MDGA1: variants seen among roughly 807,000 people sequenced by gnomAD.
MDGA1 encodes MAM domain containing glycosylphosphatidylinositol anchor 1, also known as MAM domain-containing glycosylphosphatidylinositol anchor protein 1.
A neutral mutation model predicts 101.5 loss-of-function variants in MDGA1; 54 were observed. The observed-to-expected ratio is 0.53, with a 90% CI of 0.43 to 0.67. The LOEUF is 0.67. MDGA1 is among the 30% of genes least tolerant of loss of function. MDGA1 has a pLI of 0.00. For missense variants in MDGA1, 1,083 were observed against 1,323.8 expected (o/e 0.82, Z 2.82); for synonymous variants, 533 against 558.3 (o/e 0.95, Z 0.64).
rs376944875 is a variant in MDGA1 at position 37,637,385 on chromosome 6, A to G, written c.2851T>C (p.Leu951=). ...AGCTCTCATCATCTCTGCAACGCCA[A>G]GAGGAAGATGGCCATGGGCCCCCAC... is the stretch of plus-strand genomic sequence containing the variant. ...QLWGPMAIFL[L]ALQR The change falls in exon 17 of 17, where the codon TTG becomes CTG. Residue 951 remains leucine (L), a synonymous_variant. Transcript: ENST00000434837. The G allele has an allele frequency of 4.8e-5, 78 of 1,613,630 alleles. No individual in the cohort carries two copies. The African/African-American group carries it at 8.7e-4, about 18-fold the overall frequency.
At chr6:37,673,292 C>T (rs910019623) in intron 1 of MDGA1, among the ~76,000 whole-genome samples, 4 of 152,218 alleles carry the variant, frequency 2.6e-5, no homozygotes, top group African/African-American at 9.6e-5. Context: ...CAGAAACCGT[C>T]CCTCCCTCGC....
chr6:37,663,108 A>G (rs1057062656), intron 2 of MDGA1, among the ~76,000 whole-genome samples: 1 of 152,202 alleles, frequency 6.6e-6, no homozygotes, highest in Non-Finnish European at 1.5e-5. Context: ...CTAGGATCCA[A>G]CTGTCACCCT....
intron 3 of MDGA1, among the ~76,000 whole-genome samples, chr6:37,657,275 G>A (rs1467769502): frequency 2.0e-5 from 3 of 152,222 alleles, no homozygotes; most frequent in African/African-American, 4.8e-5. Flanking sequence ...GGGTCCCCTA[G>A]AGAGCTTAAT....
chr6:37,667,005 G>A (rs1761769844), intron 1 of MDGA1, among the ~76,000 whole-genome samples: 1 of 152,212 alleles, frequency 6.6e-6, no homozygotes, highest in South Asian at 2.1e-4. Flanking sequence ...TAGATGTGAT[G>A]ATAACACAGG....
chr6:37,653,478 T>C (rs924132486), intron 6 of MDGA1, among the ~76,000 whole-genome samples: 2 of 152,166 alleles, frequency 1.3e-5, no homozygotes, highest in Admixed American at 1.3e-4. Context: ...TACTTTATGT[T>C]CAAGTGCTAA....
Position 37,652,351 on chromosome 6 carries a change from A to G in MDGA1, c.983-11T>C. 1 of 1,589,184 alleles carries G rather than the reference A, an allele frequency of 6.3e-7. No individual in the cohort carries two copies. Among genetic ancestry groups the G allele is most frequent in the Non-Finnish European group, 8.6e-7 (1 of 1,164,582 alleles). ...TAGCGTTCTTCATGGCTGTGAGTGG[A>G]TGGGGAGGGAAGGGTAGTTGGGGTT... On this transcript the variant is annotated splice_polypyrimidine_tract_variant and intron_variant, in intron 6 of 16. Coordinates refer to ENST00000434837, the MANE Select transcript of MDGA1 (RefSeq NM_153487.4). This position sits in a 1 kb window ranked among gnomAD's most constrained non-coding sequence, Gnocchi z 4.3.
chr6:37,648,784 T>C (rs932572080), intron 9 of MDGA1, among the ~76,000 whole-genome samples, 198 bp downstream of exon 9: 28 of 151,940 alleles, frequency 1.8e-4, no homozygotes, highest in Non-Finnish European at 1.0e-4. Flanking sequence ...GAGGCCCAGG[T>C]TGGGATCCGA....
chr6:37,638,918 C>A lies in MDGA1; in HGVS notation c.2537-251G>T. The stretch of plus-strand genomic sequence containing the variant: ...AATTTTCTTTCATTTCTTTCCTGCC[C>A]TGCTAATCAGCTAATCTCCCCAACC... On this transcript the variant is annotated intron_variant, in intron 14 of 16. Coordinates refer to ENST00000434837, the MANE Select transcript of MDGA1 (RefSeq NM_153487.4). The surrounding 1 kb of genome is among the most constrained non-coding windows in gnomAD (Gnocchi z 4.8). 1 of 448,706 alleles carries A rather than the reference C, an allele frequency of 2.2e-6. No individual in the cohort carries two copies. The highest frequency in any genetic ancestry group is 2.0e-5 in the African/African-American group (1 of 50,140). 27.8% of individuals were successfully genotyped at this position (448,706 alleles called of 1,614,324 possible).
intron 12 of MDGA1, 36 bp from the exon 13 acceptor site, chr6:37,644,685 C>G (rs779935101): frequency 8.4e-5 from 125 of 1,490,696 alleles, no homozygotes; most frequent in Non-Finnish European, 1.0e-4. Flanking sequence ...AAAGAGTCAG[C>G]CTCTTCAGTC....
chr6:37,695,995 C>T (rs1405332488), intron 1 of MDGA1, among the ~76,000 whole-genome samples: 1 of 151,964 alleles, frequency 6.6e-6, no homozygotes, highest in Non-Finnish European at 1.5e-5. Context: ...GCGAGGCGTG[C>T]GGACGCAGGA....
intron 1 of MDGA1, among the ~76,000 whole-genome samples, chr6:37,694,358 C>T (rs544319511): frequency 6.6e-6 from 1 of 152,340 alleles, no homozygotes; most frequent in South Asian, 2.1e-4. Flanking sequence ...AACCTGCCCC[C>T]AACTATAGCC....
At chr6:37,660,429 C>T (rs915281534) in intron 2 of MDGA1, among the ~76,000 whole-genome samples, 4 of 152,128 alleles carry the variant, frequency 2.6e-5, no homozygotes, top group Admixed American at 2.6e-4. Flanking sequence ...TTCTTTTTCA[C>T]ATCTCCTGTC....
At chr6:37,644,675 A>G (rs761961486) in intron 12 of MDGA1, 26 bp from the exon 13 acceptor site, 2 of 1,526,302 alleles carry the variant, frequency 1.3e-6, no homozygotes, top group Admixed American at 3.9e-5. Context: ...CGAATGAGAC[A>G]AAGAGTCAGC....
intron 16 of MDGA1, 87 bp from the exon 17 acceptor site, chr6:37,637,546 C>G: frequency 9.0e-7 from 1 of 1,105,874 alleles, no homozygotes; most frequent in Non-Finnish European, 1.4e-6. Flanking sequence ...GGCACTGTTA[C>G]TCTGCCCACC....
chr6:37,643,673 C>T (rs1268405260), intron 14 of MDGA1, 136 bp downstream of exon 14: 4 of 1,230,978 alleles, frequency 3.2e-6, no homozygotes, highest in Non-Finnish European at 4.5e-6. Context: ...TGTGCAGACC[C>T]GTCCAAGGAC....
chr6:37,650,317 GC>G lies in MDGA1; in HGVS notation c.1400del (p.Gly467AlafsTer38). On this transcript the variant is annotated frameshift_variant, in exon 8 of 17. Coordinates refer to ENST00000434837, the MANE Select transcript of MDGA1 (RefSeq NM_153487.4). LOFTEE classifies it high-confidence loss of function. ...SPAELQCEVR[G>X]KPRPPVLWSR... ...ACCAGAGCACTGGCGGCCGCGGCTT[GC>G]CCCGCACCTCGCATTGCAGCTCGGC... 6.3e-7 allele frequency: 1 copy of G among 1,590,244 alleles called. No individual in the cohort carries two copies.
intron 1 of MDGA1, chr6:37,664,403 CAGTT>C (rs1373661354): frequency 2.0e-5 from 6 of 294,198 alleles, no homozygotes; most frequent in Non-Finnish European, 3.9e-5. Context: ...GGTCGTCACT[CAGTT>C]AGCATCACCA....
chr6:37,664,264 C>T (rs2114053103), intron 1 of MDGA1, 158 bp from the exon 2 acceptor site: 1 of 881,532 alleles, frequency 1.1e-6, no homozygotes, highest in Non-Finnish European at 1.7e-6. Flanking sequence ...AAGAATCCTC[C>T]CAGGACCTCT....
At chr6:37,664,128 G>A (rs1561852640) in intron 1 of MDGA1, 22 bp from the exon 2 acceptor site, 2 of 1,613,590 alleles carry the variant, frequency 1.2e-6, no homozygotes, top group Admixed American at 1.7e-5. Flanking sequence ...GGATGGAGGA[G>A]GAGGTTTAGA....
Sources: gnomAD v4.1 joint callset for allele counts (sites outside exome capture counted in the v4.1 genomes callset) on GRCh38, gnomAD v4.1.1 for gene constraint, Gnocchi (gnomAD v3.1) non-coding constraint, MANE v1.5 for transcripts, NCBI Gene and HGNC (gene_info 2026-07-23, HGNC 2026-07-21) for gene names.